The following IGF1R variants were observed in gnomAD, a reference collection of about 807,000 sequenced individuals.
The protein encoded by IGF1R is insulin-like growth factor 1 receptor.
In IGF1R, 44 loss-of-function variants were observed where a neutral mutation model predicts 144.6. The ratio of observed to expected loss-of-function variants is 0.30; its 90% CI spans 0.24 to 0.39. IGF1R has a LOEUF of 0.39. IGF1R is among the 10% of genes least tolerant of loss of function. The pLI is 1.00. For synonymous variants in IGF1R, 795 were observed against 722.8 expected (o/e 1.10, Z -1.60); for missense variants, 1,355 against 1,833.7 (o/e 0.74, Z 4.77).
intron 2 of IGF1R, among the ~76,000 whole-genome samples, chr15:98,883,834 C>T (rs1199067050): frequency 1.3e-5 from 2 of 152,094 alleles, no homozygotes; most frequent in Admixed American, 6.5e-5. Flanking sequence ...CACAGGCTTC[C>T]TAGGCAGCCC....
At chr15:98,810,894 C>T (rs958034892) in intron 2 of IGF1R, among the ~76,000 whole-genome samples, 1 of 152,066 alleles carries the variant, frequency 6.6e-6, no homozygotes, top group African/African-American at 2.4e-5. Context: ...CAAACTACAG[C>T]CCATGCTGCC....
chr15:98,796,454 T>G (rs2056243939), intron 2 of IGF1R, among the ~76,000 whole-genome samples: 1 of 152,190 alleles, frequency 6.6e-6, no homozygotes, highest in African/African-American at 2.4e-5. Context: ...CCCTGACCTG[T>G]GCCAGGTGCT....
chr15:98,706,010 CTTTGGGA>C (rs1318707657), intron 1 of IGF1R, among the ~76,000 whole-genome samples: 1 of 152,242 alleles, frequency 6.6e-6, no homozygotes, highest in Non-Finnish European at 1.5e-5. Context: ...CCTAGGCACC[CTTTGGGA>C]GCCGGCCTGT....
intron 2 of IGF1R, among the ~76,000 whole-genome samples, chr15:98,825,689 G>A (rs1404476095): frequency 6.6e-6 from 1 of 152,222 alleles, no homozygotes; most frequent in East Asian, 1.9e-4. Context: ...GTGCCAAAAA[G>A]GTTGGGGACC....
chr15:98,880,277 C>T (rs1266380791), intron 2 of IGF1R, among the ~76,000 whole-genome samples: 1 of 152,222 alleles, frequency 6.6e-6, no homozygotes, highest in African/African-American at 2.4e-5. Context: ...ACTTCTCTCT[C>T]TTTACCCTTA....
chr15:98,935,173 A>T lies in IGF1R; in HGVS notation c.3186+120A>T. 1 of 987,536 alleles carries T rather than the reference A, an allele frequency of 1.0e-6. No individual in the cohort carries two copies. Among genetic ancestry groups the T allele is most frequent in the Non-Finnish European group, 1.6e-6 (1 of 632,388 alleles). 61.2% of individuals were successfully genotyped at this position (987,536 alleles called of 1,614,324 possible). On this transcript the variant is annotated intron_variant, in intron 16 of 20. Transcript: ENST00000650285. This position sits in a 1 kb window ranked among gnomAD's most constrained non-coding sequence, Gnocchi z 4.2. ...TTGGTGTCTTGCCTTTGCCTTCTGG[A>T]TAGTTACCCCATTACCTCACTGCTA...
At position 98,648,846 on chromosome 15, in the gene IGF1R, G is replaced by T; in HGVS notation, c.-736G>T. The T allele has an allele frequency of 6.7e-6, 1 of 148,340 alleles. No individual in the cohort carries two copies. Among genetic ancestry groups the T allele is most frequent in the South Asian group, 1.9e-4 (1 of 5,312 alleles). 9.2% of individuals were successfully genotyped at this position (148,340 alleles called of 1,614,324 possible). ...CGAGCCGGAGCCCCCGCGCAGAGCA[G>T]GCGGCGGCGGGCGGGGGCCGGGCGG... On this transcript the variant is annotated 5_prime_UTR_variant, in exon 1 of 21. The change creates a new upstream start codon in the 5' untranslated region. Coordinates refer to ENST00000650285, the MANE Select transcript of IGF1R (RefSeq NM_000875.5).
chr15:98,881,652 C>T (rs879394217), intron 2 of IGF1R, among the ~76,000 whole-genome samples: 2 of 152,186 alleles, frequency 1.3e-5, no homozygotes, highest in Non-Finnish European at 2.9e-5. Context: ...TAGAAACATG[C>T]TGCAACCACA....
intron 2 of IGF1R, among the ~76,000 whole-genome samples, chr15:98,869,855 C>T (rs1399274506): frequency 6.6e-6 from 1 of 152,186 alleles, no homozygotes; most frequent in Non-Finnish European, 1.5e-5. Flanking sequence ...CCTATGTAGT[C>T]GTCCAGGGCT....
chr15:98,831,990 AG>A (rs915572152), intron 2 of IGF1R, among the ~76,000 whole-genome samples: 2 of 152,086 alleles, frequency 1.3e-5, no homozygotes, highest in Admixed American at 1.3e-4. Flanking sequence ...AGGATGAGGA[AG>A]GGGGGTCAGG....
chr15:98,794,133 T>C (rs2056187736), intron 2 of IGF1R, among the ~76,000 whole-genome samples: 1 of 152,230 alleles, frequency 6.6e-6, no homozygotes. Flanking sequence ...GACACTGTTC[T>C]TCAGCAGCTG....
At chr15:98,879,603 G>A (rs1280282042) in intron 2 of IGF1R, among the ~76,000 whole-genome samples, 1 of 152,094 alleles carries the variant, frequency 6.6e-6, no homozygotes, top group African/African-American at 2.4e-5. Context: ...TGATTTGATA[G>A]CGTTACCAAA....
rs992958482 is a variant in IGF1R, at chr15:98,930,295, C to T, written c.2946C>T (p.Ser982=). 14 of 1,611,530 alleles carry T rather than the reference C, an allele frequency of 8.7e-6. No individual in the cohort carries two copies. In the East Asian group the frequency reaches 1.6e-4, roughly 18 times the overall value. ...CCTCTGTGAACCCGGAGTACTTCAG[C>T]GCTGCTGATGGTAAGAGTCCGGGCC... The part of the protein sequence containing the change: ...LYASVNPEYF[S]AADVYVPDEW... The change falls in exon 15 of 21, where the codon AGC becomes AGT. Residue 982 remains serine, a synonymous_variant. Transcript: ENST00000650285.
In IGF1R at chr15:98,961,538, TTC is replaced by T. The variant is rs775728300; in HGVS notation, c.*4100_*4101del. On this transcript the variant is annotated 3_prime_UTR_variant, in exon 21 of 21. Coordinates refer to ENST00000650285, the MANE Select transcript of IGF1R (RefSeq NM_000875.5). ...TGCTGATTTCTCTGCCTCTTGATTTTTCTCTGTGTGTTCCAAATAATCTTAAG... is the reference window on the plus strand; with the variant it reads ...TGCTGATTTCTCTGCCTCTTGATTTTTCTGTGTGTTCCAAATAATCTTAAG... 8 of 233,660 alleles carry T rather than the reference TTC, an allele frequency of 3.4e-5. No individual in the cohort carries two copies. Among genetic ancestry groups the T allele is most frequent in the Admixed American group, 1.1e-4 (2 of 17,802 alleles). 14.5% of individuals were successfully genotyped at this position (233,660 alleles called of 1,614,324 possible). A position where few individuals can be genotyped will look rare whatever the true frequency, so the allele number is the denominator to read the frequency against.
At chr15:98,661,955 C>CTTTTTTTTT (rs1567062333) in intron 1 of IGF1R, among the ~76,000 whole-genome samples, 16 of 108,206 alleles carry the variant, frequency 1.5e-4, no homozygotes, top group African/African-American at 6.8e-4. Flanking sequence ...TGAATAGGGC[C>CTTTTTTTTT]CTTTTTTTTT....
intron 2 of IGF1R, among the ~76,000 whole-genome samples, chr15:98,789,488 C>T (rs12437851): frequency 0.85 from 129,615 of 152,160 alleles, 57,478 homozygotes; most frequent in Non-Finnish European, 0.97. Flanking sequence ...TGCTCACCAC[C>T]TCCCTGCCCC....
intron 2 of IGF1R, among the ~76,000 whole-genome samples, chr15:98,873,432 A>G (rs76860920): frequency 2.6e-5 from 4 of 152,332 alleles, no homozygotes; most frequent in African/African-American, 9.6e-5. Context: ...TGCTTTCTCT[A>G]GGTAGCTTGA....
At chr15:98,652,283 C>A (rs952533384) in intron 1 of IGF1R, among the ~76,000 whole-genome samples, 5 of 152,220 alleles carry the variant, frequency 3.3e-5, no homozygotes, top group Non-Finnish European at 7.3e-5. Flanking sequence ...AGTCAGCATG[C>A]ACTTTAAATT....
At chr15:98,932,074 C>T (rs981395648) in intron 15 of IGF1R, among the ~76,000 whole-genome samples, 6 of 152,200 alleles carry the variant, frequency 3.9e-5, no homozygotes, top group African/African-American at 1.4e-4. Flanking sequence ...GTGAAGTGTC[C>T]AGGAAGAGAA....
Sources: gnomAD v4.1 joint callset for allele counts (sites outside exome capture counted in the v4.1 genomes callset) on GRCh38, gnomAD v4.1.1 for gene constraint, Gnocchi (gnomAD v3.1) non-coding constraint, MANE v1.5 for transcripts, NCBI Gene and HGNC (gene_info 2026-07-23, HGNC 2026-07-21) for gene names.